MUC12: variants seen among roughly 807,000 people sequenced by gnomAD.
MUC12 encodes mucin-12.
Under a neutral mutation model 230.8 loss-of-function variants are expected in MUC12, and 172 were observed. The observed-to-expected ratio is 0.75, with a 90% CI of 0.66 to 0.85. The LOEUF (loss-of-function observed/expected upper bound fraction) is 0.85, where lower values mean the gene tolerates loss of function less well. MUC12 is among the 40% of genes least tolerant of loss of function. The pLI is 0.00. For missense variants in MUC12, 3,506 were observed against 5,920.6 expected, an observed-to-expected ratio of 0.59 and a Z score of 13.38; for synonymous variants, 1,259 against 2,401.9, an observed-to-expected ratio of 0.52 and a Z score of 13.91.
At chr7:101,007,081 C>T (rs1793765397) in intron 3 of MUC12, among the ~76,000 whole-genome samples, 1 of 152,140 alleles carries the variant, frequency 6.6e-6, no homozygotes, top group African/African-American at 2.4e-5. Context: ...GCCTCAGCCT[C>T]CTGAGTAGTT....
chr7:101,017,328 C>T, intron 10 of MUC12: 1 of 481,536 alleles, frequency 2.1e-6, no homozygotes, highest in Non-Finnish European at 3.7e-6. Flanking sequence ...GCCCCCGCTT[C>T]CACCCCGTGC....
chr7:100,981,449 G>A (rs978623543), intron 1 of MUC12: 7 of 567,196 alleles, frequency 1.2e-5, no homozygotes, highest in Admixed American at 6.4e-5. Context: ...TTTAGCCTGG[G>A]GCTCCCACTT....
Position 100,990,620 on chromosome 7 carries a change from T to C in MUC12, c.68-11T>C, listed in dbSNP as rs761310776. 1 of 1,537,194 alleles carries C rather than the reference T, an allele frequency of 6.5e-7. No individual in the cohort carries two copies. Among genetic ancestry groups the C allele is most frequent in the Non-Finnish European group, 8.7e-7 (1 of 1,146,904 alleles). Reference sequence around the variant, plus strand: ...ATCATAGCACTTTCTCTGGTTTCTCTCAAATCACAGGCTCAACAGTAAACA... The same window carrying C: ...ATCATAGCACTTTCTCTGGTTTCTCCCAAATCACAGGCTCAACAGTAAACA... On this transcript the variant is annotated splice_polypyrimidine_tract_variant and intron_variant, in intron 1 of 11. Coordinates refer to ENST00000536621, the MANE Select transcript of MUC12 (RefSeq NM_001164462.2).
At chr7:100,981,092 A>G (rs1318409099) in intron 1 of MUC12, among the ~76,000 whole-genome samples, 1 of 152,060 alleles carries the variant, frequency 6.6e-6, no homozygotes, top group East Asian at 1.9e-4. Context: ...AAGAAATCAT[A>G]TTTTGCTGTG....
Position 100,992,190 on chromosome 7 carries a change from C to T in MUC12, c.1627C>T (p.Pro543Ser), listed in dbSNP as rs765249028. Residue 543 changes from proline to serine, a missense_variant, in exon 2 of 12, where the codon CCA (proline) becomes TCA (serine). Pro to Ser is a moderately conservative substitution (Grantham distance 74). Coordinates refer to ENST00000536621, the MANE Select transcript of MUC12 (RefSeq NM_001164462.2). ...TTAFPGSTTM[P>S]GLSQESTASH... ...AGCATTCCCTGGCAGTACCACCATG[C>T]CAGGCCTCAGTCAGGAATCTACAGC... is the stretch of plus-strand genomic sequence containing the variant. 2 of 1,537,822 alleles carry T rather than the reference C, an allele frequency of 1.3e-6. No homozygotes were observed. The highest frequency in any genetic ancestry group is 1.2e-5 in the South Asian group (1 of 84,052).
At chr7:100,974,292 C>G (rs1385964781) in intron 1 of MUC12, among the ~76,000 whole-genome samples, 2 of 152,292 alleles carry the variant, frequency 1.3e-5, no homozygotes, top group Non-Finnish European at 2.9e-5. Context: ...TTCTCTCTCT[C>G]TTCTCCTTCT....
At chr7:100,990,344 C>G (rs1793260635) in intron 1 of MUC12, among the ~76,000 whole-genome samples, 1 of 152,216 alleles carries the variant, frequency 6.6e-6, no homozygotes, top group Non-Finnish European at 1.5e-5. Flanking sequence ...CATCCCAAAA[C>G]CATTCCCCCA....
At position 100,991,715 on chromosome 7, in the gene MUC12, A is replaced by G. The variant is rs1793313325; in HGVS notation, c.1152A>G (p.Glu384=). The G allele has an allele frequency of 3.9e-6, 6 of 1,538,014 alleles. No individual in the cohort carries two copies. The South Asian group carries it at 7.1e-5, about 18-fold the overall frequency. Reference sequence around the variant, plus strand: ...GCTCCACAACTTCAGGCCATAGTGAAGAATCAGCAACTTTCCACGGCAGCA... The same window carrying G: ...GCTCCACAACTTCAGGCCATAGTGAGGAATCAGCAACTTTCCACGGCAGCA... The part of the protein sequence containing the change: ...PESSTTSGHS[E]ESATFHGSTT... The change falls in exon 2 of 12, where the codon GAA becomes GAG. Residue 384 remains glutamate, a synonymous_variant. Coordinates refer to ENST00000536621, the MANE Select transcript of MUC12 (RefSeq NM_001164462.2).
intron 1 of MUC12, among the ~76,000 whole-genome samples, chr7:100,970,981 C>T (rs191693136): frequency 2.7e-5 from 4 of 150,658 alleles, no homozygotes; most frequent in Admixed American, 1.4e-4. Context: ...TGGGCGACAG[C>T]GAGACTCCGT....
At chr7:101,016,652 G>A (rs534807340) in intron 10 of MUC12, among the ~76,000 whole-genome samples, 1 of 146,828 alleles carries the variant, frequency 6.8e-6, no homozygotes, top group African/African-American at 2.5e-5. Flanking sequence ...GCCATTCAGG[G>A]AGCACTAAAG....
chr7:101,012,155 T>C, intron 5 of MUC12, 141 bp from the exon 6 acceptor site: 1 of 833,562 alleles, frequency 1.2e-6, no homozygotes, highest in Non-Finnish European at 1.8e-6. Flanking sequence ...GGTGGTTAGC[T>C]GCTGGAGGGA....
At chr7:100,971,264 T>C (rs1792885921) in intron 1 of MUC12, among the ~76,000 whole-genome samples, 1 of 152,290 alleles carries the variant, frequency 6.6e-6, no homozygotes, top group Non-Finnish European at 1.5e-5. Flanking sequence ...CGTGGCTGTG[T>C]CTGAGAGATG....
chr7:101,017,892 C>T (rs1213866420), intron 11 of MUC12, among the ~76,000 whole-genome samples: 14 of 46,406 alleles, frequency 3.0e-4, no homozygotes, highest in African/African-American at 1.0e-3. Flanking sequence ...GACCCCTTCC[C>T]TTCCCCCTGG....
chr7:100,985,140 A>G (rs1422020734), intron 1 of MUC12, among the ~76,000 whole-genome samples: 1 of 152,192 alleles, frequency 6.6e-6, no homozygotes, highest in African/African-American at 2.4e-5. Flanking sequence ...GATTACAAGC[A>G]TGAGCCACTG....
In MUC12 at chr7:100,995,791, C is replaced by T; in HGVS notation, c.5228C>T (p.Thr1743Ile). 5 of 1,510,946 alleles carry T rather than the reference C, an allele frequency of 3.3e-6. No individual in the cohort carries two copies. The highest frequency in any genetic ancestry group is 4.4e-6 in the Non-Finnish European group (5 of 1,129,472). The allele number at this position is 1,510,946 out of a possible 1,614,324, so 93.6% of individuals were successfully genotyped here. A position where few individuals can be genotyped will look rare whatever the true frequency, so the allele number is the denominator to read the frequency against. The stretch of plus-strand genomic sequence containing the variant: ...TTGGGCCGTAGTGAGGAATCGACAA[C>T]AGTCCACAGCAGCCCAGTTGCAACT... Reference protein sequence around the residue: ...TTLGRSEESTTVHSSPVATAT... With the variant: ...TTLGRSEESTIVHSSPVATAT... Residue 1743 changes from threonine to isoleucine, a missense_variant, in exon 2 of 12, where the codon ACA (threonine) becomes ATA (isoleucine). Physicochemically the swap from Thr to Ile is moderately conservative, Grantham distance 89. Coordinates refer to ENST00000536621, the MANE Select transcript of MUC12 (RefSeq NM_001164462.2).
At chr7:100,977,790 A>G (rs2116269173) in intron 1 of MUC12, among the ~76,000 whole-genome samples, 2 of 148,250 alleles carry the variant, frequency 1.3e-5, no homozygotes, top group African/African-American at 2.5e-5. Context: ...CTGATCTCAA[A>G]CTCCTGGGCT....
chr7:101,009,298 G>C, intron 5 of MUC12, 139 bp downstream of exon 5: 4 of 819,662 alleles, frequency 4.9e-6, no homozygotes, highest in Non-Finnish European at 7.8e-6. Flanking sequence ...GGAACACTGG[G>C]GGCTGTGACA....
chr7:101,005,598 C>G, intron 2 of MUC12, 79 bp downstream of exon 2: 3 of 1,415,296 alleles, frequency 2.1e-6, no homozygotes, highest in Non-Finnish European at 1.9e-6. Flanking sequence ...ATTACAACCT[C>G]TCTTGGTTCT....
At chr7:100,969,835 C>A (rs1169448028) in intron 1 of MUC12, 146 bp downstream of exon 1, 2 of 1,202,260 alleles carry the variant, frequency 1.7e-6, no homozygotes, top group Non-Finnish European at 2.3e-6. Flanking sequence ...CGTGCTGTGA[C>A]CTCATCTTGC....
Sources: allele counts gnomAD v4.1 joint callset (sites outside exome capture counted in the v4.1 genomes callset), GRCh38; gene constraint gnomAD v4.1.1; transcripts MANE v1.5; gene names NCBI Gene and HGNC (gene_info 2026-07-23, HGNC 2026-07-21).